The following CPQ variants were observed in gnomAD, a reference collection of about 807,000 sequenced individuals.
CPQ encodes Ser-Met dipeptidase.
A neutral mutation model predicts 45.7 loss-of-function variants in CPQ; 37 were observed. The ratio of observed to expected loss-of-function variants is 0.81; its 90% CI spans 0.62 to 1.07. The LOEUF is 1.07. Ranked by LOEUF, CPQ falls within the 50% of genes least tolerant of loss-of-function variation. The pLI is 0.00. For synonymous variants in CPQ, 186 were observed against 205.8 expected (o/e 0.90, Z 0.82); for missense variants, 537 against 572.9 (o/e 0.94, Z 0.64).
rs183927925 is a variant in CPQ, at chr8:96,698,153, T to C, written c.-35+52751T>C. Among the ~76,000 whole-genome samples, 373 of 145,724 alleles carry C rather than the reference T, an allele frequency of 2.6e-3. 2 individuals are homozygous for C. Among genetic ancestry groups the C allele is most frequent in the African/African-American group, 9.9e-3 (353 of 35,560 alleles). On this transcript the variant is annotated intron_variant, in intron 1 of 7. Transcript: ENST00000220763. ...AGTATGGCACTGGCATAAAAACAGT[T>C]AGACCAATGGAACAAAATAGAGAAC...
intron 1 of CPQ, among the ~76,000 whole-genome samples, chr8:96,670,496 T>C (rs1563697513): frequency 6.6e-6 from 1 of 152,100 alleles, no homozygotes; most frequent in Non-Finnish European, 1.5e-5. Context: ...GGAAAGCAGA[T>C]ATATTAATAT....
chr8:97,010,846 T>G (rs1586492956), intron 5 of CPQ, among the ~76,000 whole-genome samples: 1 of 152,260 alleles, frequency 6.6e-6, no homozygotes, highest in Admixed American at 6.5e-5. Flanking sequence ...TCCAGCAGGG[T>G]TTATTTCTGA....
At chr8:96,687,869 A>G (rs922430144) in intron 1 of CPQ, among the ~76,000 whole-genome samples, 2 of 152,062 alleles carry the variant, frequency 1.3e-5, no homozygotes, top group African/African-American at 4.8e-5. Flanking sequence ...AAACTGTCAA[A>G]GTTTTTTTTT....
chr8:96,905,760 CAAAAAA>C (rs747470074), intron 4 of CPQ, among the ~76,000 whole-genome samples: 1 of 64,856 alleles, frequency 1.5e-5, no homozygotes. Context: ...CTGTCTTAAC[CAAAAAA>C]AAAAAAAAAA....
chr8:97,115,816 G>A (rs918736320), intron 7 of CPQ, among the ~76,000 whole-genome samples: 7 of 152,152 alleles, frequency 4.6e-5, no homozygotes, highest in South Asian at 2.1e-4. Flanking sequence ...TTACCTCTGT[G>A]CTTCACACAC....
intron 7 of CPQ, among the ~76,000 whole-genome samples, chr8:97,134,748 T>A (rs1812020019): frequency 6.6e-6 from 1 of 152,232 alleles, no homozygotes; most frequent in Non-Finnish European, 1.5e-5. Flanking sequence ...GTTTGAATTC[T>A]ATTTCTACCA....
At chr8:96,774,432 G>A (rs955890846) in intron 1 of CPQ, among the ~76,000 whole-genome samples, 6 of 152,132 alleles carry the variant, frequency 3.9e-5, no homozygotes, top group African/African-American at 1.4e-4. Context: ...GTGGCAATGT[G>A]GAAGATGAGT....
chr8:97,113,186 A>G (rs1811526062), intron 7 of CPQ, among the ~76,000 whole-genome samples: 1 of 152,158 alleles, frequency 6.6e-6, no homozygotes, highest in African/African-American at 2.4e-5. Flanking sequence ...TTTGCAAGGA[A>G]GGCAGATGAT....
chr8:96,746,235 C>T (rs577341166), intron 1 of CPQ, among the ~76,000 whole-genome samples: 1 of 152,228 alleles, frequency 6.6e-6, no homozygotes, highest in Non-Finnish European at 1.5e-5. Context: ...ATACTGGAGC[C>T]AAGCAATGCA....
chr8:96,826,095 G>A (rs987384196), intron 2 of CPQ, among the ~76,000 whole-genome samples: 26 of 152,066 alleles, frequency 1.7e-4, no homozygotes, highest in African/African-American at 6.3e-4. Flanking sequence ...AACCAAAGCT[G>A]CCAATACTGT....
intron 1 of CPQ, among the ~76,000 whole-genome samples, chr8:96,719,726 C>CCT (rs2130761649): frequency 6.6e-6 from 1 of 152,286 alleles, no homozygotes; most frequent in African/African-American, 2.4e-5. Flanking sequence ...GAATGGCTTC[C>CCT]CTCTATCTCT....
At chr8:97,040,008 T>C (rs1206647243) in intron 6 of CPQ, among the ~76,000 whole-genome samples, 1 of 151,966 alleles carries the variant, frequency 6.6e-6, no homozygotes, top group African/African-American at 2.4e-5. Flanking sequence ...AGTAATGGGA[T>C]GGCTGGGTCA....
At chr8:97,091,834 AGATACAAAGATG>A (rs988525971) in intron 7 of CPQ, among the ~76,000 whole-genome samples, 9 of 150,920 alleles carry the variant, frequency 6.0e-5, no homozygotes, top group African/African-American at 2.2e-4. Flanking sequence ...CTAATGTGAG[AGATACAAAGATG>A]GATGGATAGA....
intron 4 of CPQ, among the ~76,000 whole-genome samples, chr8:96,896,272 A>G (rs1260624983): frequency 1.3e-5 from 2 of 152,108 alleles, no homozygotes; most frequent in Non-Finnish European, 2.9e-5. Flanking sequence ...TGCCCCTATC[A>G]ACACTCTATT....
chr8:96,823,442 T>G (rs148996198), intron 2 of CPQ, among the ~76,000 whole-genome samples: 51 of 152,134 alleles, frequency 3.4e-4, no homozygotes, highest in African/African-American at 1.1e-3. Flanking sequence ...TCTGCCTGAT[T>G]ATGTTTTGCT....
rs3839857 is a variant in CPQ at position 97,029,378 on chromosome 8, CT to C, written c.962-19del. ...AAATTCAAAATCAACTAAAGTATCA[CT>C]TTTTTATTTTATTATTTTCCCAGGG... On this transcript the variant is annotated intron_variant, in intron 5 of 7. Transcript: ENST00000220763. 4.6e-4 allele frequency: 720 copies of C among 1,557,352 alleles called. 7 individuals are homozygous for C. The East Asian group carries it at 0.016, about 34-fold the overall frequency.
At chr8:97,118,087 G>T (rs572442475) in intron 7 of CPQ, among the ~76,000 whole-genome samples, 19 of 152,288 alleles carry the variant, frequency 1.2e-4, no homozygotes, top group African/African-American at 4.6e-4. Flanking sequence ...TTGAAAATTA[G>T]AGAGTCAAAA....
At chr8:96,662,162 C>A (rs115642888) in intron 1 of CPQ, among the ~76,000 whole-genome samples, 3 of 152,044 alleles carry the variant, frequency 2.0e-5, no homozygotes, top group East Asian at 1.9e-4. Context: ...TTTAAGAGTT[C>A]TTTGTATATT....
intron 2 of CPQ, among the ~76,000 whole-genome samples, chr8:96,793,516 A>T (rs915191524): frequency 7.9e-5 from 12 of 152,082 alleles, no homozygotes; most frequent in African/African-American, 2.7e-4. Context: ...TTCCCACAAC[A>T]TGTGGAAATT....
Sources: allele counts gnomAD v4.1 joint callset (sites outside exome capture counted in the v4.1 genomes callset), GRCh38; gene constraint gnomAD v4.1.1; transcripts MANE v1.5; gene names NCBI Gene and HGNC (gene_info 2026-07-23, HGNC 2026-07-21).